SOX5: variants seen among roughly 807,000 people sequenced by gnomAD.
SOX5 encodes transcription factor SOX-5.
Under a neutral mutation model 92.0 loss-of-function variants are expected in SOX5, and 9 were observed. The observed-to-expected ratio is 0.10, with a 90% CI of 0.06 to 0.17. SOX5 has a LOEUF of 0.17. Ranked by LOEUF, SOX5 falls within the 10% of genes least tolerant of loss-of-function variation. SOX5 has a pLI of 1.00. For missense variants in SOX5, 642 were observed against 944.5 expected (o/e 0.68, Z 4.20); for synonymous variants, 344 against 336.3 (o/e 1.02, Z -0.25).
chr12:23,559,259 G>A (rs548456575), intron 11 of SOX5, among the ~76,000 whole-genome samples: 13 of 152,188 alleles, frequency 8.5e-5, no homozygotes, highest in African/African-American at 2.9e-4. Flanking sequence ...AAATATGAGA[G>A]GCTTCTTTCT....
rs143127913 is a variant in SOX5 at position 23,798,132 on chromosome 12, C to A, written c.482-42408G>T. On this transcript the variant is annotated intron_variant, in intron 3 of 14. Transcript: ENST00000451604. ...TCCTATATTGCTTATTGTTATATGG[C>A]AAACTATATATTTTACCTATTCATT... Among the ~76,000 whole-genome samples, 1,257 of 151,934 alleles carry A rather than the reference C, an allele frequency of 8.3e-3. 9 individuals carry two copies. The highest frequency in any genetic ancestry group is 0.027 in the Middle Eastern group (8 of 294).
intron 1 of SOX5, among the ~76,000 whole-genome samples, chr12:24,493,035 C>T (rs1221134983): frequency 2.6e-5 from 4 of 152,074 alleles, no homozygotes; most frequent in African/African-American, 9.7e-5. Context: ...ATTTTACAAG[C>T]TGGTTTACCA....
chr12:23,979,300 T>A (rs1398066660), intron 4 of SOX5, among the ~76,000 whole-genome samples: 8 of 152,160 alleles, frequency 5.3e-5, no homozygotes, highest in African/African-American at 1.9e-4. Context: ...CTCAGCTCAC[T>A]GCAACCTCTG....
At chr12:23,941,781 C>G (rs1943695748) in intron 1 of SOX5, among the ~76,000 whole-genome samples, 1 of 151,576 alleles carries the variant, frequency 6.6e-6, no homozygotes, top group Admixed American at 6.6e-5. Flanking sequence ...TTCCGTTCTA[C>G]ACTAAATAAT....
intron 4 of SOX5, among the ~76,000 whole-genome samples, chr12:24,033,608 C>T (rs1287814474): frequency 6.6e-6 from 1 of 151,974 alleles, no homozygotes; most frequent in South Asian, 2.1e-4. Context: ...CATCTACTGA[C>T]GTAGACTTAC....
intron 1 of SOX5, among the ~76,000 whole-genome samples, chr12:24,474,631 G>C (rs1945162068): frequency 6.6e-6 from 1 of 152,028 alleles, no homozygotes; most frequent in Non-Finnish European, 1.5e-5. Context: ...TGCCTCCCAG[G>C]TTCAAGCGAT....
rs143296408 is a variant in SOX5 at position 23,740,131 on chromosome 12, C to T, written c.741+736G>A. Reference sequence around the variant, plus strand: ...CCTAAGAAACACCTGAGCTCTCTTCCAAAATGCTGACTGGTGTTTCCAGCT... The same window carrying T: ...CCTAAGAAACACCTGAGCTCTCTTCTAAAATGCTGACTGGTGTTTCCAGCT... On this transcript the variant is annotated intron_variant, in intron 5 of 14. Coordinates refer to ENST00000451604, the MANE Select transcript of SOX5 (RefSeq NM_006940.6). 2.8e-3 allele frequency among the ~76,000 whole-genome samples: 431 copies of T among 152,288 alleles called. 2 individuals are homozygous for T. Among genetic ancestry groups the T allele is most frequent in the African/African-American group, 9.6e-3 (397 of 41,568 alleles).
intron 4 of SOX5, among the ~76,000 whole-genome samples, chr12:23,970,560 T>A (rs1452910597): frequency 6.6e-6 from 1 of 151,880 alleles, no homozygotes; most frequent in Non-Finnish European, 1.5e-5. Flanking sequence ...ATTTTTCTCT[T>A]GGTGTCTGGC....
intron 2 of SOX5, among the ~76,000 whole-genome samples, chr12:23,894,539 C>A (rs2097159180): frequency 6.6e-6 from 1 of 151,928 alleles, no homozygotes; most frequent in Admixed American, 6.6e-5. Flanking sequence ...AAACATTATT[C>A]TTGGTGGAAA....
chr12:24,472,767 T>A (rs1212537066), intron 1 of SOX5, among the ~76,000 whole-genome samples: 1 of 152,118 alleles, frequency 6.6e-6, no homozygotes, highest in Non-Finnish European at 1.5e-5. Flanking sequence ...TACTACCTTA[T>A]GTTAATTAAC....
At chr12:24,407,832 G>A (rs1192243776) in intron 1 of SOX5, among the ~76,000 whole-genome samples, 1 of 152,138 alleles carries the variant, frequency 6.6e-6, no homozygotes, top group Non-Finnish European at 1.5e-5. Context: ...TCCAAATCCA[G>A]GAACAACGTA....
chr12:24,283,687 G>A (rs771680370), intron 2 of SOX5, among the ~76,000 whole-genome samples: 4 of 152,122 alleles, frequency 2.6e-5, no homozygotes, highest in Non-Finnish European at 4.4e-5. Context: ...AAATAACTAC[G>A]TAGCTAGGGT....
At chr12:24,107,335 G>C (rs1324923722) in intron 4 of SOX5, among the ~76,000 whole-genome samples, 5 of 152,066 alleles carry the variant, frequency 3.3e-5, no homozygotes, top group Non-Finnish European at 5.9e-5. Context: ...TATAGTCCAA[G>C]GAAGAATGAT....
intron 4 of SOX5, among the ~76,000 whole-genome samples, chr12:23,990,930 G>C (rs1592127293): frequency 6.6e-6 from 1 of 151,858 alleles, no homozygotes. Context: ...GAACATTTTT[G>C]ACTTTTTTTT....
intron 3 of SOX5, among the ~76,000 whole-genome samples, chr12:23,823,392 A>G (rs543285555): frequency 3.3e-5 from 5 of 152,338 alleles, no homozygotes; most frequent in African/African-American, 1.2e-4. Flanking sequence ...TTGGCTGGAT[A>G]TGAAATTCTG....
At chr12:24,236,870 C>T (rs1168680467) in intron 3 of SOX5, among the ~76,000 whole-genome samples, 1 of 150,788 alleles carries the variant, frequency 6.6e-6, no homozygotes, top group Non-Finnish European at 1.5e-5. Context: ...AGTGAAAGGT[C>T]AATCCCAGCC....
At chr12:24,134,719 A>G (rs1949960128) in intron 4 of SOX5, among the ~76,000 whole-genome samples, 2 of 152,220 alleles carry the variant, frequency 1.3e-5, no homozygotes, top group South Asian at 4.1e-4. Flanking sequence ...TTGAACAAAA[A>G]CACAGAATTA....
chr12:23,785,417 G>A (rs2095361217), intron 3 of SOX5, among the ~76,000 whole-genome samples: 1 of 151,650 alleles, frequency 6.6e-6, no homozygotes, highest in Admixed American at 6.6e-5. Context: ...TTATTTGTGG[G>A]GAAAAGAAAC....
intron 3 of SOX5, among the ~76,000 whole-genome samples, chr12:24,237,599 T>C (rs1456925029): frequency 7.2e-5 from 11 of 152,040 alleles, no homozygotes; most frequent in Non-Finnish European, 1.5e-5. Flanking sequence ...TTTTTTTTTT[T>C]TCATAAGCAA....
Sources: gnomAD v4.1 joint callset for allele counts (sites outside exome capture counted in the v4.1 genomes callset) on GRCh38, gnomAD v4.1.1 for gene constraint, MANE v1.5 for transcripts, NCBI Gene and HGNC (gene_info 2026-07-23, HGNC 2026-07-21) for gene names.